The following SOX5 variants were observed in gnomAD, a reference collection of about 807,000 sequenced individuals.
SOX5 encodes the protein SRY-box transcription factor 5.
SOX5 carries 9 observed loss-of-function variants against 92.0 expected under a neutral mutation model. That is an observed-to-expected ratio of 0.10 (90% CI 0.06 to 0.17). The LOEUF (loss-of-function observed/expected upper bound fraction) is 0.17. Ranked by LOEUF, SOX5 falls within the 10% of genes least tolerant of loss-of-function variation. The pLI is 1.00. For missense variants in SOX5, 642 were observed against 944.5 expected, an observed-to-expected ratio of 0.68 and a Z score of 4.20; for synonymous variants, 344 against 336.3, an observed-to-expected ratio of 1.02 and a Z score of -0.25.
chr12:24,076,479 T>C (rs1942613720), intron 4 of SOX5, among the ~76,000 whole-genome samples: 1 of 152,198 alleles, frequency 6.6e-6, no homozygotes, highest in African/African-American at 2.4e-5. Context: ...TGTGGGTTCT[T>C]TCCAACAGCA....
chr12:23,755,721 G>A lies in SOX5; in HGVS notation c.485C>T (p.Thr162Ile), dbSNP rs764045426. Residue 162 changes from threonine (T) to isoleucine (I), a missense_variant, in exon 4 of 15, where the codon ACC becomes ATC. By Grantham distance (89) the Thr-to-Ile change is moderately conservative. Transcript: ENST00000451604. ...TGAGAGTAGTTTTTCAATACTGGGGGTTTCTAAGTAAAGAAAAAAAGAAGT... is the reference window on the plus strand; with the variant it reads ...TGAGAGTAGTTTTTCAATACTGGGGATTTCTAAGTAAAGAAAAAAAGAAGT... ...EELIKNEPEE[T>I]PSIEKLLSKD... The A allele has an allele frequency of 5.1e-6, 8 of 1,555,904 alleles. No individual in the cohort carries two copies. Among genetic ancestry groups the A allele is most frequent in the African/African-American group, 2.8e-5 (2 of 70,966 alleles).
At chr12:24,558,594 G>C (rs570206787) in intron 1 of SOX5, among the ~76,000 whole-genome samples, 3 of 152,056 alleles carry the variant, frequency 2.0e-5, no homozygotes, top group Non-Finnish European at 4.4e-5. Flanking sequence ...TAAGCAAAAG[G>C]TTAGATCTTT....
chr12:23,972,342 A>C (rs1948436062), intron 4 of SOX5, among the ~76,000 whole-genome samples: 1 of 151,848 alleles, frequency 6.6e-6, no homozygotes, highest in Non-Finnish European at 1.5e-5. Context: ...TTTTCTTCCT[A>C]TGGTTTTTTT....
chr12:24,018,091 C>G (rs901767313), intron 4 of SOX5, among the ~76,000 whole-genome samples: 137 of 152,146 alleles, frequency 9.0e-4, no homozygotes, highest in Admixed American at 8.7e-3. Flanking sequence ...CTATTAAATC[C>G]TTCCTTCACA....
At chr12:24,325,921 T>A (rs1290005262) in intron 2 of SOX5, among the ~76,000 whole-genome samples, 1 of 152,192 alleles carries the variant, frequency 6.6e-6, no homozygotes, top group Non-Finnish European at 1.5e-5. Flanking sequence ...TGTGTGTGTA[T>A]GTTAGATAAG....
Position 23,570,923 on chromosome 12 carries a change from AAAAAAAAATATATATATATAT to A in SOX5, c.1342+4717_1342+4737del, listed in dbSNP as rs1304305744. ...AAGACTCCAACTCAAAAAAAAAAAA[AAAAAAAAATATATATATATAT>A]ATATATATATATATATATATATATA... is the stretch of plus-strand genomic sequence containing the variant. On this transcript the variant is annotated intron_variant, in intron 10 of 14. Transcript: ENST00000451604. Among the ~76,000 whole-genome samples the A allele has an allele frequency of 1.6e-3, 67 of 42,214 alleles. 2 individuals carry two copies. Among genetic ancestry groups the A allele is most frequent in the African/African-American group, 5.2e-3 (57 of 10,980 alleles). 27.7% of individuals were successfully genotyped at this position (42,214 alleles called of 152,430 possible). A position where few individuals can be genotyped will look rare whatever the true frequency, so the allele number is the denominator to read the frequency against.
intron 8 of SOX5, among the ~76,000 whole-genome samples, chr12:23,611,836 CT>C (rs1422470093): frequency 6.6e-6 from 1 of 151,970 alleles, no homozygotes; most frequent in Non-Finnish European, 1.5e-5. Context: ...TACTCTCCCC[CT>C]TTTCATCCTC....
intron 6 of SOX5, among the ~76,000 whole-genome samples, chr12:23,692,522 TACC>T (rs1427906710): frequency 6.6e-6 from 1 of 152,190 alleles, no homozygotes; most frequent in African/African-American, 2.4e-5. Context: ...CACTGTATAG[TACC>T]ACATTCTACA....
chr12:23,589,090 GAT>G (rs1951158868), intron 9 of SOX5, among the ~76,000 whole-genome samples: 1 of 151,532 alleles, frequency 6.6e-6, no homozygotes, highest in Admixed American at 6.6e-5. Context: ...ATCATTAAGT[GAT>G]GTGTGACTAT....
chr12:23,692,171 G>A (rs1258234696), intron 6 of SOX5, among the ~76,000 whole-genome samples: 1 of 151,930 alleles, frequency 6.6e-6, no homozygotes, highest in African/African-American at 2.4e-5. Context: ...GGTGGCTCAC[G>A]CCTGTAATCT....
intron 2 of SOX5, among the ~76,000 whole-genome samples, chr12:24,342,332 C>T (rs1360318157): frequency 6.6e-6 from 1 of 152,218 alleles, no homozygotes; most frequent in East Asian, 1.9e-4. Flanking sequence ...ACCAAGTCTA[C>T]ACCTCCAATC....
chr12:24,273,337 G>A (rs1489859208), intron 3 of SOX5, among the ~76,000 whole-genome samples: 6 of 152,284 alleles, frequency 3.9e-5, no homozygotes, highest in African/African-American at 1.4e-4. Flanking sequence ...TTGCTTTATA[G>A]GACGATTTTT....
intron 2 of SOX5, among the ~76,000 whole-genome samples, chr12:23,868,663 C>A (rs1204447590): frequency 1.3e-5 from 2 of 152,070 alleles, no homozygotes; most frequent in Non-Finnish European, 2.9e-5. Context: ...CAGCCAACAT[C>A]TTGGAGGGAT....
At chr12:24,413,243 A>G (rs542480312) in intron 1 of SOX5, among the ~76,000 whole-genome samples, 1 of 152,346 alleles carries the variant, frequency 6.6e-6, no homozygotes, top group East Asian at 1.9e-4. Flanking sequence ...TATTTAGTAC[A>G]TACACATTTA....
At chr12:24,273,859 T>A (rs1372596647) in intron 3 of SOX5, among the ~76,000 whole-genome samples, 1 of 152,234 alleles carries the variant, frequency 6.6e-6, no homozygotes, top group Non-Finnish European at 1.5e-5. Context: ...CATTCTGTAA[T>A]TGTTATATGT....
At chr12:24,172,714 TACTGTCCCC>T (rs1311847195) in intron 4 of SOX5, among the ~76,000 whole-genome samples, 2 of 152,242 alleles carry the variant, frequency 1.3e-5, no homozygotes, top group East Asian at 3.9e-4. Context: ...TGCAGAAAGT[TACTGTCCCC>T]ACTGTGAAGA....
At chr12:24,216,387 G>C (rs1056917961) in intron 3 of SOX5, among the ~76,000 whole-genome samples, 2 of 152,162 alleles carry the variant, frequency 1.3e-5, no homozygotes, top group Non-Finnish European at 2.9e-5. Flanking sequence ...CGGAGGCTGG[G>C]GCAGGAGAAT....
intron 2 of SOX5, among the ~76,000 whole-genome samples, chr12:23,877,182 G>T (rs1325302463): frequency 6.6e-6 from 1 of 152,010 alleles, no homozygotes; most frequent in South Asian, 2.1e-4. Flanking sequence ...TAAGATTTTT[G>T]CATCTCTATT....
At chr12:23,537,846 A>G (rs1319406003) in intron 13 of SOX5, among the ~76,000 whole-genome samples, 1 of 152,016 alleles carries the variant, frequency 6.6e-6, no homozygotes, top group East Asian at 1.9e-4. Context: ...CCTCGCGGTG[A>G]GTGTTACAGT....
Sources: gnomAD v4.1 joint callset for allele counts (sites outside exome capture counted in the v4.1 genomes callset) on GRCh38, gnomAD v4.1.1 for gene constraint, MANE v1.5 for transcripts, NCBI Gene and HGNC (gene_info 2026-07-23, HGNC 2026-07-21) for gene names.